ZNF18: variants seen among roughly 807,000 people sequenced by gnomAD.
ZNF18 encodes the protein zinc finger protein 18, also known as heart development-specific gene 1 protein.
Under a neutral mutation model 58.1 loss-of-function variants are expected in ZNF18, and 42 were observed. The ratio of observed to expected loss-of-function variants is 0.72; its 90% confidence interval spans 0.56 to 0.93. The LOEUF (loss-of-function observed/expected upper bound fraction) is 0.93. Among genes scored for constraint, ZNF18 ranks in the 40% least tolerant of loss-of-function variants. The pLI, the probability that ZNF18 is intolerant of heterozygous loss-of-function variation, is 0.00. For synonymous variants in ZNF18, 231 were observed against 239.8 expected (o/e 0.96, Z 0.34); for missense variants, 540 against 644.2 (o/e 0.84, Z 1.75).
intron 4 of ZNF18, among the ~76,000 whole-genome samples, chr17:11,984,678 C>T (rs1312301354): frequency 6.6e-6 from 1 of 152,034 alleles, no homozygotes; most frequent in African/African-American, 2.4e-5. Flanking sequence ...CCGTGCCTGG[C>T]TAATTTTTGT....
intron 4 of ZNF18, among the ~76,000 whole-genome samples, chr17:11,989,055 A>T (rs937903628): frequency 6.6e-6 from 1 of 152,096 alleles, no homozygotes; most frequent in Non-Finnish European, 1.5e-5. Flanking sequence ...GCTACTCAGG[A>T]GACTGAGGCA....
chr17:12,021,254 A>G, the ZNF18 span: 1 of 275,174 alleles, frequency 3.6e-6, no homozygotes, highest in Non-Finnish European at 6.8e-6. Flanking sequence ...CCGGGCTCTC[A>G]GCAGGCCCGC....
chr17:11,977,849 A>G lies in ZNF18; in HGVS notation c.*108T>C. 1 of 1,317,050 alleles carries G rather than the reference A, an allele frequency of 7.6e-7. No individual in the cohort carries two copies. The highest frequency in any genetic ancestry group is 1.5e-5 in the South Asian group (1 of 66,186). The allele number at this position is 1,317,050 out of a possible 1,614,324, so 81.6% of individuals were successfully genotyped here. A position where few individuals can be genotyped will look rare whatever the true frequency, so the allele number is the denominator to read the frequency against. ...TCTCTCCTCTCCAATCCAAGAAAAA[A>G]GGAGATTAACAGGGGTATCCTCTTA... is the stretch of plus-strand genomic sequence containing the variant. On this transcript the variant is annotated 3_prime_UTR_variant, in exon 7 of 7. Transcript: ENST00000580306.
At chr17:11,993,115 T>C (rs956113517) in intron 1 of ZNF18, among the ~76,000 whole-genome samples, 1 of 152,238 alleles carries the variant, frequency 6.6e-6, no homozygotes, top group African/African-American at 2.4e-5. Flanking sequence ...ACAGCCACCA[T>C]TTCCCTGCCC....
At chr17:12,011,695 A>ATTTTTTTT in the ZNF18 span, among the ~76,000 whole-genome samples, 2 of 87,588 alleles carry the variant, frequency 2.3e-5, no homozygotes, top group Admixed American at 1.6e-4. Flanking sequence ...AATGTTCTTA[A>ATTTTTTTT]TTTTTTTTTT....
At chr17:11,990,338 CAT>C in intron 4 of ZNF18, 122 bp downstream of exon 4, 2 of 723,158 alleles carry the variant, frequency 2.8e-6, no homozygotes, top group Non-Finnish European at 4.4e-6. Flanking sequence ...AGTAAACTAA[CAT>C]ATGGTGACAG....
chr17:12,001,658 A>G (rs1202876557), upstream of ZNF18, among the ~76,000 whole-genome samples: 1 of 151,872 alleles, frequency 6.6e-6, no homozygotes, highest in Non-Finnish European at 1.5e-5. Flanking sequence ...ACAAACAAAC[A>G]AAGTATATTT....
At chr17:11,998,113 C>G (rs994423958), upstream of ZNF18, among the ~76,000 whole-genome samples, 12 of 152,218 alleles carry the variant, frequency 7.9e-5, no homozygotes, top group East Asian at 2.1e-3. Context: ...CTTCCCTTTC[C>G]CACACGCCAA....
At chr17:11,998,847 T>TTTTTC (rs1968607255), upstream of ZNF18, among the ~76,000 whole-genome samples, 1 of 115,250 alleles carries the variant, frequency 8.7e-6, no homozygotes, top group African/African-American at 3.2e-5. Context: ...TTTTTTTTTT[T>TTTTTC]GTATTTTTGG....
the ZNF18 span, among the ~76,000 whole-genome samples, chr17:12,018,001 C>A: frequency 6.6e-6 from 1 of 152,200 alleles, no homozygotes; most frequent in Admixed American, 6.5e-5. Context: ...TCTTTCTCTG[C>A]AGCCTCTTTC....
At chr17:12,014,750 G>A in the ZNF18 span, among the ~76,000 whole-genome samples, 1 of 152,090 alleles carries the variant, frequency 6.6e-6, no homozygotes. Context: ...AACTGTGAAT[G>A]TACAAAAACC....
chr17:11,982,881 T>C (rs1293391554), intron 6 of ZNF18, among the ~76,000 whole-genome samples: 1 of 152,196 alleles, frequency 6.6e-6, no homozygotes, highest in African/African-American at 2.4e-5. Flanking sequence ...AGGGATTAGA[T>C]AAAACATTTT....
chr17:12,010,864 T>G, the ZNF18 span: 2 of 492,948 alleles, frequency 4.1e-6, no homozygotes, highest in South Asian at 4.7e-5. Context: ...TACTTTTCTC[T>G]TTGTCTTCTT....
the ZNF18 span, among the ~76,000 whole-genome samples, chr17:12,017,878 A>AC: frequency 3.1e-5 from 1 of 32,628 alleles, no homozygotes; most frequent in Non-Finnish European, 1.3e-4. Context: ...ACACCATCTC[A>AC]AAAAAAAAAA....
upstream of ZNF18, among the ~76,000 whole-genome samples, chr17:11,999,007 G>A (rs566879161): frequency 1.7e-4 from 26 of 152,118 alleles, no homozygotes; most frequent in East Asian, 1.2e-3. Flanking sequence ...GATTGATGGC[G>A]CTGCTTTGAG....
chr17:12,006,414 C>G, the ZNF18 span, among the ~76,000 whole-genome samples: 2 of 152,076 alleles, frequency 1.3e-5, no homozygotes, highest in Non-Finnish European at 2.9e-5. Flanking sequence ...AAAAATGCCA[C>G]CTAATGCTTA....
chr17:11,986,157 GCT>G lies in ZNF18; in HGVS notation c.667-1962_667-1961del, dbSNP rs1262291740. On this transcript the variant is annotated intron_variant, in intron 4 of 6. Transcript: ENST00000580306. ...TAAAAATGGGAGTTTGCCTGCACAA[GCT>G]CTCTCTTTGCCTGCCGCCATCCTTG... Among the ~76,000 whole-genome samples, 4 of 152,196 alleles carry G rather than the reference GCT, an allele frequency of 2.6e-5. No individual in the cohort carries two copies. In the East Asian group the frequency reaches 7.7e-4, roughly 29 times the overall value.
Position 11,992,808 on chromosome 17 carries a change from C to T in ZNF18, c.22G>A (p.Ala8Thr). MPVDLGQ[A>T]LGLLPSLAKA... ...GCCAGCGATGGCAGCAGGCCTAGGGCCTGCCCCAAGTCAACGGGCATTGTC... is the reference window on the plus strand; with the variant it reads ...GCCAGCGATGGCAGCAGGCCTAGGGTCTGCCCCAAGTCAACGGGCATTGTC... The change falls in exon 2 of 7, where the codon GCC becomes ACC. Residue 8 changes from alanine (A) to threonine (T), a missense_variant. Transcript: ENST00000580306. 3 of 1,613,064 alleles carry T rather than the reference C, an allele frequency of 1.9e-6. No homozygotes were observed. The highest frequency in any genetic ancestry group is 1.1e-5 in the South Asian group (1 of 91,054).
chr17:11,987,648 C>G (rs1229348621), intron 4 of ZNF18, among the ~76,000 whole-genome samples: 2 of 152,076 alleles, frequency 1.3e-5, no homozygotes, highest in Non-Finnish European at 2.9e-5. Context: ...TTAAGTTATC[C>G]AGAACAGGTG....
Sources: allele counts gnomAD v4.1 joint callset (sites outside exome capture counted in the v4.1 genomes callset), GRCh38; gene constraint gnomAD v4.1.1; transcripts MANE v1.5; gene names NCBI Gene and HGNC (gene_info 2026-07-23, HGNC 2026-07-21).